PRKRA: variants seen among roughly 807,000 people sequenced by gnomAD.
PRKRA encodes the protein protein activator of interferon induced protein kinase EIF2AK2, also known as interferon-inducible double-stranded RNA-dependent protein kinase activator A.
PRKRA carries 22 observed loss-of-function variants against 32.4 expected under a neutral mutation model. That is an observed-to-expected ratio of 0.68 (90% confidence interval 0.49 to 0.97). The LOEUF (loss-of-function observed/expected upper bound fraction) is 0.97, where lower values mean the gene tolerates loss of function less well. Ranked by LOEUF, PRKRA falls within the 50% of genes least tolerant of loss-of-function variation. PRKRA has a pLI of 0.00. For synonymous variants in PRKRA, 139 were observed against 129.8 expected, an observed-to-expected ratio of 1.07 and a Z score of -0.48; for missense variants, 319 against 375.6, an observed-to-expected ratio of 0.85 and a Z score of 1.25.
chr2:178,436,652 T>G (rs1479640496), intron 6 of PRKRA, among the ~76,000 whole-genome samples: 1 of 152,136 alleles, frequency 6.6e-6, no homozygotes, highest in Non-Finnish European at 1.5e-5. Flanking sequence ...CCACAAATAA[T>G]TAAATCTGCC....
At chr2:178,450,722 G>A in intron 1 of PRKRA, 1 of 1,377,086 alleles carries the variant, frequency 7.3e-7, no homozygotes, top group Non-Finnish European at 9.3e-7. Context: ...TCCCTTCCCG[G>A]GCGCGCCGAC....
At chr2:178,436,403 A>G (rs1696899253) in intron 6 of PRKRA, 84 bp from the exon 7 acceptor site, 1 of 1,140,764 alleles carries the variant, frequency 8.8e-7, no homozygotes, top group Non-Finnish European at 1.3e-6. Flanking sequence ...GTACTTATTA[A>G]GCACTCACAT....
At chr2:178,441,496 G>C (rs937237115) in intron 6 of PRKRA, 114 bp downstream of exon 6, 1 of 884,732 alleles carries the variant, frequency 1.1e-6, no homozygotes, top group African/African-American at 1.7e-5. Context: ...GAATAATGAA[G>C]AGATTTCTAA....
chr2:178,446,144 A>G (rs1043173481), intron 3 of PRKRA, among the ~76,000 whole-genome samples: 1 of 151,712 alleles, frequency 6.6e-6, no homozygotes, highest in Non-Finnish European at 1.5e-5. Flanking sequence ...CCACCCAAGT[A>G]GCTGGGATTA....
At chr2:178,438,983 A>G (rs1017028815) in intron 6 of PRKRA, 1 of 151,716 alleles carries the variant, frequency 6.6e-6, no homozygotes, top group Non-Finnish European at 1.5e-5. Context: ...GTGCCTGGCC[A>G]AACGCTGGTA....
chr2:178,444,331 G>A, intron 4 of PRKRA, 91 bp downstream of exon 4: 1 of 852,804 alleles, frequency 1.2e-6, no homozygotes. Flanking sequence ...TCACTATCTT[G>A]TCTTTAAAAT....
Position 178,447,361 on chromosome 2 carries a change from A to G in PRKRA, c.317+144T>C, listed in dbSNP as rs186245600. On this transcript the variant is annotated intron_variant, in intron 3 of 7. Coordinates refer to ENST00000325748, the MANE Select transcript of PRKRA (RefSeq NM_003690.5). The stretch of plus-strand genomic sequence containing the variant: ...TGGATAAAGTTTTCTTTAATGGATG[A>G]TAAGTTTTCATAAGGAAATAGAATT... The G allele has an allele frequency of 4.3e-3, 6,087 of 1,409,068 alleles. 14 individuals carry two copies. The highest frequency in any genetic ancestry group is 5.4e-3 in the Non-Finnish European group (5,635 of 1,038,928). 87.3% of individuals were successfully genotyped at this position (1,409,068 alleles called of 1,614,324 possible). A position where few individuals can be genotyped will look rare whatever the true frequency, so the allele number is the denominator to read the frequency against.
chr2:178,450,589 A>C, intron 1 of PRKRA, 178 bp from the exon 2 acceptor site: 1 of 1,490,584 alleles, frequency 6.7e-7, no homozygotes. Context: ...TGCGGCAGTC[A>C]CTCCGCAGGA....
intron 5 of PRKRA, 21 bp downstream of exon 5, chr2:178,443,244 CTT>C: frequency 1.4e-6 from 1 of 710,232 alleles, no homozygotes; most frequent in Admixed American, 3.9e-5. Context: ...TTTCAAATGC[CTT>C]TAATTGTAAG....
At chr2:178,435,451 A>G (rs954678488) in intron 7 of PRKRA, among the ~76,000 whole-genome samples, 9 of 152,012 alleles carry the variant, frequency 5.9e-5, no homozygotes, top group African/African-American at 2.2e-4. Flanking sequence ...TATAAATTGA[A>G]TTAAAAGAAA....
At chr2:178,437,574 G>C (rs1696950357) in intron 6 of PRKRA, among the ~76,000 whole-genome samples, 1 of 152,132 alleles carries the variant, frequency 6.6e-6, no homozygotes, top group African/African-American at 2.4e-5. Context: ...TTTCTCTGTA[G>C]AATTATTTCT....
rs761594219 is a variant in PRKRA, at chr2:178,432,058, T to A, written c.*39A>T. 6.8e-6 allele frequency: 11 copies of A among 1,610,736 alleles called. No homozygotes were observed. The South Asian group carries it at 9.9e-5, about 14-fold the overall frequency. On this transcript the variant is annotated 3_prime_UTR_variant, in exon 8 of 8. Coordinates refer to ENST00000325748, the MANE Select transcript of PRKRA (RefSeq NM_003690.5). ...TTGGGAAGGGGCCAGAGGGGAACTT[T>A]TTATGTGCTACTGAAAGATTTTTTA... is the stretch of plus-strand genomic sequence containing the variant.
intron 6 of PRKRA, 36 bp from the exon 7 acceptor site, chr2:178,436,355 A>G (rs1454750774): frequency 3.2e-6 from 5 of 1,586,180 alleles, no homozygotes; most frequent in Non-Finnish European, 3.5e-6. Flanking sequence ...ACTCTTGACT[A>G]GGACTGGGTT....
Position 178,450,351 on chromosome 2 carries a change from G to T in PRKRA, c.126C>A (p.Tyr42Ter). The change falls in exon 2 of 8, where the codon TAC (tyrosine) becomes TAA (stop). Residue 42 changes from tyrosine to a stop codon, truncating the protein, a stop_gained. Transcript: ENST00000325748. LOFTEE classifies it high-confidence loss of function. The stretch of plus-strand genomic sequence containing the variant: ...CTGGGATGTTCTTGGTCTTCATGCC[G>T]TATTCGTGTAATACCTGAATCGGTG... ...GKTPIQVLHE[Y>*]GMKTKNIPVY... is the part of the protein sequence containing the mutation. 6.2e-7 allele frequency: 1 copy of T among 1,614,276 alleles called. No homozygotes were observed. Among genetic ancestry groups the T allele is most frequent in the Non-Finnish European group, 8.5e-7 (1 of 1,180,052 alleles).
chr2:178,445,144 G>A (rs1358335926), intron 3 of PRKRA, among the ~76,000 whole-genome samples: 1 of 152,212 alleles, frequency 6.6e-6, no homozygotes, highest in Admixed American at 6.5e-5. Flanking sequence ...GTATCCTGCA[G>A]AAAATAGATG....
intron 1 of PRKRA, 152 bp from the exon 2 acceptor site, chr2:178,450,563 T>G: frequency 3.3e-6 from 5 of 1,524,760 alleles, no homozygotes; most frequent in Non-Finnish European, 4.4e-6. Context: ...GGGGCGCACC[T>G]GTCTTCCGGC....
chr2:178,443,622 C>A, intron 4 of PRKRA: 2 of 418,460 alleles, frequency 4.8e-6, no homozygotes, highest in Non-Finnish European at 8.9e-6. Context: ...TTGCATTAAA[C>A]CACAGTGAGC....
intron 2 of PRKRA, among the ~76,000 whole-genome samples, chr2:178,448,855 T>A (rs1054080279): frequency 6.6e-6 from 1 of 152,212 alleles, no homozygotes; most frequent in Non-Finnish European, 1.5e-5. Context: ...CCTACATTTC[T>A]ACTGAACTAG....
Position 178,442,750 on chromosome 2 carries a change from C to T in PRKRA, c.514+517G>A, listed in dbSNP as rs547473179. Reference sequence around the variant, plus strand: ...TGCCAGAGAAGTTAACAGGAATTCTCGCTAGTACTTTTTAAAGTGACAGCG... The same window carrying T: ...TGCCAGAGAAGTTAACAGGAATTCTTGCTAGTACTTTTTAAAGTGACAGCG... On this transcript the variant is annotated intron_variant, in intron 5 of 7. Coordinates refer to ENST00000325748, the MANE Select transcript of PRKRA (RefSeq NM_003690.5). Among the ~76,000 whole-genome samples, 6 of 152,308 alleles carry T rather than the reference C, an allele frequency of 3.9e-5. No individual in the cohort carries two copies. The East Asian group carries it at 7.7e-4, about 20-fold the overall frequency.
Sources: allele counts gnomAD v4.1 joint callset (sites outside exome capture counted in the v4.1 genomes callset), GRCh38; gene constraint gnomAD v4.1.1; transcripts MANE v1.5; gene names NCBI Gene and HGNC (gene_info 2026-07-23, HGNC 2026-07-21).